PCNX2: variants seen among roughly 807,000 people sequenced by gnomAD.
The protein encoded by PCNX2 is pecanex 2.
PCNX2 carries 168 observed loss-of-function variants against 223.8 expected under a neutral mutation model. The ratio of observed to expected loss-of-function variants is 0.75; its 90% CI spans 0.66 to 0.85. The LOEUF (loss-of-function observed/expected upper bound fraction) is 0.85, where lower values mean the gene tolerates loss of function less well. Ranked by LOEUF, PCNX2 falls within the 40% of genes least tolerant of loss-of-function variation. The pLI, the probability that PCNX2 is intolerant of heterozygous loss-of-function variation, is 0.00. For missense variants in PCNX2, 2,507 were observed against 2,675.5 expected, an observed-to-expected ratio of 0.94 and a Z score of 1.39; for synonymous variants, 1,006 against 1,052.6, an observed-to-expected ratio of 0.96 and a Z score of 0.86.
intron 28 of PCNX2, among the ~76,000 whole-genome samples, chr1:233,008,169 A>G (rs2102807711): frequency 6.6e-6 from 1 of 152,332 alleles, no homozygotes; most frequent in South Asian, 2.1e-4. Context: ...TGCTTTCATG[A>G]ACTCTTTATC....
At chr1:233,040,837 C>T (rs1671618661) in intron 25 of PCNX2, among the ~76,000 whole-genome samples, 1 of 152,176 alleles carries the variant, frequency 6.6e-6, no homozygotes, top group Admixed American at 6.6e-5. Context: ...CAGTCATTCC[C>T]ACAGTGATAA....
At chr1:232,989,878 G>GGGGC (rs1405012599) in intron 32 of PCNX2, among the ~76,000 whole-genome samples, 1 of 152,258 alleles carries the variant, frequency 6.6e-6, no homozygotes, top group Non-Finnish European at 1.5e-5. Context: ...ATGGGCCCAA[G>GGGGC]GGGCTGCCAC....
Position 233,280,408 on chromosome 1 carries a change from G to A in PCNX2, c.153+14918C>T, listed in dbSNP as rs920662253. 2.7e-5 allele frequency among the ~76,000 whole-genome samples: 4 copies of A among 148,628 alleles called. No homozygotes were observed. The Admixed American group carries it at 2.7e-4, about 10-fold the overall frequency. ...TGCCTCCTGGGTTCAAGTGATTCTC[G>A]TGCCTCAACCTTCTGAGTAGCTGGG... On this transcript the variant is annotated intron_variant, in intron 1 of 33. Coordinates refer to ENST00000258229, the MANE Select transcript of PCNX2 (RefSeq NM_014801.4).
chr1:233,033,612 C>A (rs1265719295), intron 25 of PCNX2, among the ~76,000 whole-genome samples: 1 of 152,192 alleles, frequency 6.6e-6, no homozygotes, highest in Non-Finnish European at 1.5e-5. Context: ...AATAACATTG[C>A]ACAGTAAGTG....
At chr1:232,988,491 C>T (rs1371726006) in intron 32 of PCNX2, among the ~76,000 whole-genome samples, 6 of 151,936 alleles carry the variant, frequency 3.9e-5, no homozygotes, top group African/African-American at 1.5e-4. Context: ...TGCATTTGTG[C>T]TACTCAAGAT....
At chr1:233,067,970 A>G (rs748852696) in intron 23 of PCNX2, among the ~76,000 whole-genome samples, 7 of 152,164 alleles carry the variant, frequency 4.6e-5, no homozygotes, top group Non-Finnish European at 7.4e-5. Flanking sequence ...AGGGTCCCAG[A>G]AGGAGAGAAG....
chr1:233,159,437 T>C (rs77861269), intron 19 of PCNX2, among the ~76,000 whole-genome samples: 1 of 152,162 alleles, frequency 6.6e-6, no homozygotes, highest in East Asian at 1.9e-4. Context: ...TGCCCCTCAC[T>C]TATCTTTATG....
chr1:233,016,877 T>C (rs780123571), intron 27 of PCNX2, 44 bp downstream of exon 27: 2 of 1,580,460 alleles, frequency 1.3e-6, no homozygotes, highest in Non-Finnish European at 1.7e-6. Context: ...TCTTTATTTA[T>C]TAAACTTACA....
chr1:232,984,527 C>A (rs1461157772), intron 33 of PCNX2, 50 bp from the exon 34 acceptor site: 1 of 1,567,862 alleles, frequency 6.4e-7, no homozygotes, highest in South Asian at 1.2e-5. Context: ...ACGTTCACTA[C>A]CCACTTCTAA....
intron 25 of PCNX2, among the ~76,000 whole-genome samples, chr1:233,033,939 C>T (rs4649427): frequency 0.14 from 21,172 of 152,068 alleles, 1,548 homozygotes; most frequent in East Asian, 0.22. Flanking sequence ...GCTGGCTGGG[C>T]GCAGTGGCTC....
At chr1:233,104,355 C>T (rs539489825) in intron 21 of PCNX2, among the ~76,000 whole-genome samples, 2 of 151,988 alleles carry the variant, frequency 1.3e-5, no homozygotes, top group East Asian at 3.9e-4. Flanking sequence ...TACATTTTTA[C>T]CAAAATAAAG....
At chr1:233,002,035 A>T (rs1670107698) in intron 28 of PCNX2, among the ~76,000 whole-genome samples, 1 of 152,200 alleles carries the variant, frequency 6.6e-6, no homozygotes, top group African/African-American at 2.4e-5. Context: ...GAAACCCCAG[A>T]GACGACCAGC....
chr1:233,078,047 T>A (rs1386724000), intron 23 of PCNX2, among the ~76,000 whole-genome samples: 1 of 152,240 alleles, frequency 6.6e-6, no homozygotes, highest in East Asian at 1.9e-4. Context: ...ATGTAAGGCC[T>A]GGGCAAGGTC....
At chr1:233,144,601 G>A (rs1178649267) in intron 19 of PCNX2, among the ~76,000 whole-genome samples, 1 of 151,976 alleles carries the variant, frequency 6.6e-6, no homozygotes, top group Non-Finnish European at 1.5e-5. Flanking sequence ...ATCATATTAT[G>A]GTTTTATTTA....
intron 28 of PCNX2, among the ~76,000 whole-genome samples, chr1:233,006,373 G>A (rs113170569): frequency 5.9e-5 from 9 of 152,264 alleles, no homozygotes; most frequent in African/African-American, 1.9e-4. Flanking sequence ...GCATGTAGAG[G>A]GGAGGCTGGG....
At chr1:233,100,019 A>T (rs562464797) in intron 21 of PCNX2, among the ~76,000 whole-genome samples, 31 of 152,332 alleles carry the variant, frequency 2.0e-4, no homozygotes, top group African/African-American at 7.2e-4. Flanking sequence ...TCTCAGCGCT[A>T]TGAAAATGCA....
intron 19 of PCNX2, among the ~76,000 whole-genome samples, chr1:233,156,953 C>T (rs906022205): frequency 3.3e-5 from 5 of 151,918 alleles, no homozygotes; most frequent in African/African-American, 1.2e-4. Flanking sequence ...AACGCAGAGA[C>T]TTGAAGCATG....
In PCNX2 at chr1:233,218,160, T is replaced by C. The variant is rs548218963; in HGVS notation, c.2529A>G (p.Val843=). 5.8e-6 allele frequency: 8 copies of C among 1,383,884 alleles called. No homozygotes were observed. In the African/African-American group the frequency reaches 1.3e-4, roughly 23 times the overall value. The allele number at this position is 1,383,884 out of a possible 1,614,324, so 85.7% of individuals were successfully genotyped here. ...LDRTEDIKEN[V]LAILLIVLVS... is the part of the protein sequence containing the mutation. Reference sequence around the variant, plus strand: ...CCAGGACAATGAGTAAAATCGCCAGTACATTCTCCTTGATGTCTTCAGTTC... The same window carrying C: ...CCAGGACAATGAGTAAAATCGCCAGCACATTCTCCTTGATGTCTTCAGTTC... Residue 843 remains valine (V), a synonymous_variant, in exon 11 of 34, where the codon GTA becomes GTG. Coordinates refer to ENST00000258229, the MANE Select transcript of PCNX2 (RefSeq NM_014801.4).
chr1:233,276,306 C>T (rs776411365), intron 1 of PCNX2, among the ~76,000 whole-genome samples: 6 of 151,778 alleles, frequency 4.0e-5, no homozygotes, highest in Admixed American at 6.6e-5. Context: ...TGGTGGTTGC[C>T]GGGGGCTTGG....
Sources: allele counts gnomAD v4.1 joint callset (sites outside exome capture counted in the v4.1 genomes callset), GRCh38; gene constraint gnomAD v4.1.1; transcripts MANE v1.5; gene names NCBI Gene and HGNC (gene_info 2026-07-23, HGNC 2026-07-21).